The following PRKN variants were observed in gnomAD, a reference collection of about 807,000 sequenced individuals.
The protein encoded by PRKN is parkin RBR E3 ubiquitin protein ligase, also known as E3 ubiquitin-protein ligase parkin.
In PRKN, 56 loss-of-function variants were observed where a neutral mutation model predicts 59.5. The observed-to-expected ratio is 0.94, with a 90% CI of 0.76 to 1.18. The LOEUF (loss-of-function observed/expected upper bound fraction) is 1.18, where lower values mean the gene tolerates loss of function less well. PRKN is among the 50% of genes most tolerant of loss of function. The pLI is 0.00. For synonymous variants in PRKN, 250 were observed against 222.1 expected (o/e 1.13, Z -1.12); for missense variants, 657 against 596.4 (o/e 1.10, Z -1.06).
At chr6:161,416,548 A>G (rs1270852893) in intron 9 of PRKN, among the ~76,000 whole-genome samples, 2 of 152,052 alleles carry the variant, frequency 1.3e-5, no homozygotes, top group Non-Finnish European at 2.9e-5. Context: ...ATCCAAATTC[A>G]AACCCAGGCA....
chr6:161,392,204 G>A (rs1265049726), intron 9 of PRKN, among the ~76,000 whole-genome samples: 3 of 151,240 alleles, frequency 2.0e-5, no homozygotes, highest in African/African-American at 7.3e-5. Context: ...CCAAAGTGCT[G>A]GGATTACAGG....
At chr6:162,538,973 T>G (rs1428275935) in intron 1 of PRKN, among the ~76,000 whole-genome samples, 1 of 152,182 alleles carries the variant, frequency 6.6e-6, no homozygotes, top group Non-Finnish European at 1.5e-5. Flanking sequence ...CCTCTCCAAG[T>G]GATTACCGTG....
At chr6:162,428,468 T>G (rs1041250728) in intron 2 of PRKN, among the ~76,000 whole-genome samples, 2 of 152,142 alleles carry the variant, frequency 1.3e-5, no homozygotes, top group East Asian at 1.9e-4. Flanking sequence ...CACCTAAAAT[T>G]TATTTGAAAC....
At chr6:162,141,643 G>T (rs1472275225) in intron 4 of PRKN, among the ~76,000 whole-genome samples, 1 of 152,068 alleles carries the variant, frequency 6.6e-6, no homozygotes, top group East Asian at 1.9e-4. Flanking sequence ...AGTCAATATT[G>T]GTAATAGAGA....
intron 1 of PRKN, among the ~76,000 whole-genome samples, chr6:162,702,790 A>C (rs2128237089): frequency 6.6e-6 from 1 of 152,308 alleles, no homozygotes; most frequent in East Asian, 1.9e-4. Flanking sequence ...CAAGAGAATT[A>C]ATAGTGCATA....
chr6:162,589,655 C>A (rs1465260309), intron 1 of PRKN, among the ~76,000 whole-genome samples: 3 of 152,110 alleles, frequency 2.0e-5, no homozygotes, highest in Non-Finnish European at 4.4e-5. Context: ...GGCTCTAAGC[C>A]TTCCCAGATA....
At chr6:162,110,056 CAG>C (rs1162673765) in intron 4 of PRKN, among the ~76,000 whole-genome samples, 2 of 152,140 alleles carry the variant, frequency 1.3e-5, no homozygotes, top group African/African-American at 4.8e-5. Context: ...TTGTTTGCAA[CAG>C]TTTAAGTTTT....
intron 2 of PRKN, among the ~76,000 whole-genome samples, chr6:162,303,921 C>T (rs978507511): frequency 2.0e-5 from 3 of 152,050 alleles, no homozygotes; most frequent in African/African-American, 7.2e-5. Context: ...GGGAGGCAGC[C>T]TTCTCTGCAG....
chr6:162,165,186 A>C (rs1412695286), intron 4 of PRKN, among the ~76,000 whole-genome samples: 1 of 149,160 alleles, frequency 6.7e-6, no homozygotes, highest in South Asian at 2.1e-4. Flanking sequence ...CATATGTTGG[A>C]TCCTAAACCT....
In PRKN at chr6:161,551,947, T is replaced by C. The variant is rs1417907776; in HGVS notation, c.934-2944A>G. On this transcript the variant is annotated intron_variant, in intron 8 of 11. Transcript: ENST00000366898. The surrounding 1 kb of genome is among the most constrained non-coding windows in gnomAD (Gnocchi z 5.2). ...CCTTCAGAGAGCAGGCAGCCATCCTTAGGAAGAGGAGGCCCGGCTGAGTGC... is the reference window on the plus strand; with the variant it reads ...CCTTCAGAGAGCAGGCAGCCATCCTCAGGAAGAGGAGGCCCGGCTGAGTGC... Among the ~76,000 whole-genome samples, 1 of 151,984 alleles carries C rather than the reference T, an allele frequency of 6.6e-6. No individual in the cohort carries two copies. The highest frequency in any genetic ancestry group is 2.4e-5 in the African/African-American group (1 of 41,378).
At position 162,172,247 on chromosome 6, in the gene PRKN, A is replaced by T. The variant is rs114011138; in HGVS notation, c.534+28884T>A. Among the ~76,000 whole-genome samples, 1,160 of 152,320 alleles carry T rather than the reference A, an allele frequency of 7.6e-3. 16 individuals are homozygous for T. Among genetic ancestry groups the T allele is most frequent in the African/African-American group, 0.026 (1,097 of 41,580 alleles). On this transcript the variant is annotated intron_variant, in intron 4 of 11. Transcript: ENST00000366898. The stretch of plus-strand genomic sequence containing the variant: ...CTGCCTGGGGCCCTGGCTAGCCAGT[A>T]GGCAGAAATGGACCCCAAGCTACCC...
At chr6:162,076,165 C>T (rs377623796) in intron 4 of PRKN, among the ~76,000 whole-genome samples, 1 of 151,920 alleles carries the variant, frequency 6.6e-6, no homozygotes, top group South Asian at 2.1e-4. Flanking sequence ...GATGGGGTTT[C>T]ACCATGTTGG....
rs1045690562 is a variant in PRKN at position 161,547,524 on chromosome 6, A to G, written c.1083+1330T>C. On this transcript the variant is annotated intron_variant, in intron 9 of 11. Coordinates refer to ENST00000366898, the MANE Select transcript of PRKN (RefSeq NM_004562.3). This position sits in a 1 kb window ranked among gnomAD's most constrained non-coding sequence, Gnocchi z 4.0. Reference sequence around the variant, plus strand: ...CCAGCAAAAGTCTCTACCTCCTAAGAAAAGTTAAAATCTTAAAATCCAGCT... The same window carrying G: ...CCAGCAAAAGTCTCTACCTCCTAAGGAAAGTTAAAATCTTAAAATCCAGCT... 2.4e-4 allele frequency among the ~76,000 whole-genome samples: 37 copies of G among 152,254 alleles called. No individual in the cohort carries two copies. The highest frequency in any genetic ancestry group is 8.4e-4 in the African/African-American group (35 of 41,466).
intron 4 of PRKN, among the ~76,000 whole-genome samples, chr6:162,079,578 C>T (rs1335633475): frequency 6.6e-6 from 1 of 151,896 alleles, no homozygotes; most frequent in Non-Finnish European, 1.5e-5. Context: ...CTGTTTAAAC[C>T]CCTCTCATGG....
intron 4 of PRKN, among the ~76,000 whole-genome samples, chr6:162,192,613 C>G (rs1267482456): frequency 1.3e-5 from 2 of 150,364 alleles, no homozygotes; most frequent in East Asian, 3.9e-4. Context: ...CTACCACGCC[C>G]AGCTAATTTT....
intron 7 of PRKN, among the ~76,000 whole-genome samples, chr6:161,702,936 G>A (rs1015695502): frequency 6.8e-6 from 1 of 147,542 alleles, no homozygotes; most frequent in Non-Finnish European, 1.5e-5. Flanking sequence ...AGAATTAAAA[G>A]ACTAACTGTA....
intron 1 of PRKN, among the ~76,000 whole-genome samples, chr6:162,467,609 A>G (rs1322409537): frequency 1.3e-5 from 2 of 152,100 alleles, no homozygotes; most frequent in South Asian, 2.1e-4. Context: ...CTGTCTTTTG[A>G]ATCAGAGCAA....
intron 6 of PRKN, among the ~76,000 whole-genome samples, chr6:161,849,796 A>G (rs976787893): frequency 6.6e-6 from 1 of 152,218 alleles, no homozygotes; most frequent in African/African-American, 2.4e-5. Flanking sequence ...TGATTTGAAA[A>G]AGACAAATCT....
chr6:161,568,313 G>A (rs1269050349), intron 8 of PRKN, among the ~76,000 whole-genome samples: 1 of 152,214 alleles, frequency 6.6e-6, no homozygotes, highest in Non-Finnish European at 1.5e-5. Context: ...ATAACACTGG[G>A]CTGGGCGTGA....
Sources: allele counts gnomAD v4.1 joint callset (sites outside exome capture counted in the v4.1 genomes callset), GRCh38; gene constraint gnomAD v4.1.1; non-coding constraint Gnocchi (gnomAD v3.1); transcripts MANE v1.5; gene names NCBI Gene and HGNC (gene_info 2026-07-23, HGNC 2026-07-21).